ATRN: variants seen among roughly 807,000 people sequenced by gnomAD.
The protein encoded by ATRN is attractin-2.
Under a neutral mutation model 178.7 loss-of-function variants are expected in ATRN, and 54 were observed. The observed-to-expected ratio is 0.30, with a 90% CI of 0.24 to 0.38. ATRN has a LOEUF of 0.38. Among genes scored for constraint, ATRN ranks in the 10% least tolerant of loss-of-function variants. The pLI, the probability that ATRN is intolerant of heterozygous loss-of-function variation, is 1.00. For missense variants in ATRN, 1,443 were observed against 1,815.1 expected (o/e 0.79, Z 3.73); for synonymous variants, 636 against 663.0 (o/e 0.96, Z 0.63).
chr20:3,596,361 CT>C lies in ATRN; in HGVS notation c.3417-10del, dbSNP rs571715913. 497 of 1,609,906 alleles carry C rather than the reference CT, an allele frequency of 3.1e-4. 3 individuals are homozygous for C. The highest frequency in any genetic ancestry group is 6.6e-4 in the Middle Eastern group (4 of 6,050). On this transcript the variant is annotated splice_polypyrimidine_tract_variant and intron_variant, in intron 20 of 28. Coordinates refer to ENST00000262919, the MANE Select transcript of ATRN (RefSeq NM_139321.3). ...GTTTTAAATAGCAGTATAAAATAGT[CT>C]TTTTTCCCCCCCAGATGTGAGGTAG... is the stretch of plus-strand genomic sequence containing the variant.
intron 24 of ATRN, among the ~76,000 whole-genome samples, chr20:3,618,238 G>T (rs1269135963): frequency 1.3e-5 from 2 of 152,196 alleles, no homozygotes; most frequent in African/African-American, 4.8e-5. Flanking sequence ...CTGGAGGGAG[G>T]GGCGGGGCTG....
At position 3,584,728 on chromosome 20, in the gene ATRN, C is replaced by T. The variant is rs1472037935; in HGVS notation, c.3032C>T (p.Thr1011Ile). 2 of 1,613,832 alleles carry T rather than the reference C, an allele frequency of 1.2e-6. No homozygotes were observed. The highest frequency in any genetic ancestry group is 2.2e-5 in the East Asian group (1 of 44,874). Residue 1011 changes from threonine (T) to isoleucine (I), a missense_variant, in exon 18 of 29, where the codon ACT becomes ATT. Coordinates refer to ENST00000262919, the MANE Select transcript of ATRN (RefSeq NM_139321.3). ...GCGWCTDPSN[T>I]GKGKCIEGSY... is the part of the protein sequence containing the mutation. ...GGCTGGTGTACTGATCCCAGCAATA[C>T]TGGCAAAGGGAAATGCATAGAGGGT...
chr20:3,535,484 C>A, intron 2 of ATRN, 148 bp downstream of exon 2: 2 of 341,930 alleles, frequency 5.8e-6, no homozygotes, highest in Non-Finnish European at 1.1e-5. Flanking sequence ...TGAATTTTAT[C>A]TTAGCCTTCA....
At chr20:3,554,729 C>T (rs947279630) in intron 6 of ATRN, among the ~76,000 whole-genome samples, 1 of 152,100 alleles carries the variant, frequency 6.6e-6, no homozygotes. Flanking sequence ...TAACGCAAAA[C>T]TTTTTAGTTG....
intron 24 of ATRN, among the ~76,000 whole-genome samples, chr20:3,606,451 G>A (rs563292022): frequency 6.8e-6 from 1 of 146,132 alleles, no homozygotes; most frequent in Admixed American, 6.7e-5. Flanking sequence ...TTTCCTGCAT[G>A]TGGGACTTGT....
chr20:3,600,268 G>A (rs1305403172), intron 22 of ATRN, among the ~76,000 whole-genome samples: 1 of 152,082 alleles, frequency 6.6e-6, no homozygotes, highest in Non-Finnish European at 1.5e-5. Flanking sequence ...AATTAAGTTA[G>A]ATTAGCCCTG....
Position 3,492,583 on chromosome 20 carries a change from C to T in ATRN, c.410+21066C>T, listed in dbSNP as rs552615946. Among the ~76,000 whole-genome samples, 4 of 152,062 alleles carry T rather than the reference C, an allele frequency of 2.6e-5. No homozygotes were observed. The South Asian group carries it at 8.3e-4, about 32-fold the overall frequency. On this transcript the variant is annotated intron_variant, in intron 1 of 28. Coordinates refer to ENST00000262919, the MANE Select transcript of ATRN (RefSeq NM_139321.3). ...GTGGGAATGGAGATGAAGGAATACA[C>T]CTAAGGAAGTCTTTGATGGCAGTTA...
At chr20:3,646,520 A>T (rs145393334) in intron 28 of ATRN, among the ~76,000 whole-genome samples, 1 of 152,278 alleles carries the variant, frequency 6.6e-6, no homozygotes, top group Non-Finnish European at 1.5e-5. Context: ...GTTTACCCAG[A>T]TGGAGGGGAA....
At chr20:3,534,394 A>G (rs73893011) in intron 1 of ATRN, among the ~76,000 whole-genome samples, 1,813 of 152,226 alleles carry the variant, frequency 0.012, 30 homozygotes, top group African/African-American at 0.034. Flanking sequence ...AGAGGGGTGG[A>G]GGAAAAGATA....
At chr20:3,532,850 C>CCTCCTGGGTTCACGCTATT (rs2085472952) in intron 1 of ATRN, among the ~76,000 whole-genome samples, 1 of 152,048 alleles carries the variant, frequency 6.6e-6, no homozygotes, top group African/African-American at 2.4e-5. Flanking sequence ...GCAAGCTCTG[C>CCTCCTGGGTTCACGCTATT]CTCCTGGGTT....
At chr20:3,642,491 T>A (rs550783913) in intron 27 of ATRN, among the ~76,000 whole-genome samples, 1 of 152,366 alleles carries the variant, frequency 6.6e-6, no homozygotes, top group Non-Finnish European at 1.5e-5. Flanking sequence ...AGCCAGTCTA[T>A]CAGCAAATCT....
chr20:3,650,614 T>A lies in ATRN; in HGVS notation c.*3767T>A, dbSNP rs1007771170. 4 of 152,262 alleles carry A rather than the reference T, an allele frequency of 2.6e-5. No homozygotes were observed. Among genetic ancestry groups the A allele is most frequent in the African/African-American group, 9.7e-5 (4 of 41,430 alleles). 9.4% of individuals were successfully genotyped at this position (152,262 alleles called of 1,614,324 possible). On this transcript the variant is annotated 3_prime_UTR_variant, in exon 29 of 29. Transcript: ENST00000262919. Reference sequence around the variant, plus strand: ...AGGCCCACCAAGAGATATTGCCCCTTGATGAGAGTCAAACACCCTGCCTAC... The same window carrying A: ...AGGCCCACCAAGAGATATTGCCCCTAGATGAGAGTCAAACACCCTGCCTAC...
At chr20:3,612,050 T>C (rs1257879988) in intron 24 of ATRN, among the ~76,000 whole-genome samples, 1 of 152,254 alleles carries the variant, frequency 6.6e-6, no homozygotes, top group Non-Finnish European at 1.5e-5. Flanking sequence ...CCCGTGTTTA[T>C]AGCACTTGAA....
rs1486192839 is a variant in ATRN, at chr20:3,559,418, C to T, written c.1138C>T (p.Leu380Phe). 6.2e-7 allele frequency: 1 copy of T among 1,613,868 alleles called. No homozygotes were observed. The highest frequency in any genetic ancestry group is 8.5e-7 in the Non-Finnish European group (1 of 1,179,790). Residue 380 changes from leucine to phenylalanine, a missense_variant, in exon 7 of 29, where the codon CTT (leucine) becomes TTT (phenylalanine). Transcript: ENST00000262919. ...LAYDLASREW[L>F]PLNRSVNNVV... is the part of the protein sequence containing the mutation. ...GTATGACCTTGCTTCTAGGGAGTGG[C>T]TTCCACTAAACCGTTCTGTGAACAA...
chr20:3,526,414 C>G (rs2085365956), intron 1 of ATRN, among the ~76,000 whole-genome samples: 1 of 152,112 alleles, frequency 6.6e-6, no homozygotes, highest in African/African-American at 2.4e-5. Context: ...TCAAGAACTA[C>G]AAACCACTGC....
At chr20:3,595,216 T>A (rs1286838617) in intron 20 of ATRN, among the ~76,000 whole-genome samples, 1 of 152,220 alleles carries the variant, frequency 6.6e-6, no homozygotes. Flanking sequence ...GTTTTTGGTG[T>A]CCTGGTAGGT....
chr20:3,585,762 A>C (rs1212579225), intron 18 of ATRN, among the ~76,000 whole-genome samples: 1 of 152,236 alleles, frequency 6.6e-6, no homozygotes, highest in East Asian at 1.9e-4. Context: ...AGACAACCCA[A>C]TTAAGAAATG....
intron 6 of ATRN, among the ~76,000 whole-genome samples, chr20:3,556,022 CAG>C (rs1264831365): frequency 2.0e-5 from 3 of 152,040 alleles, no homozygotes; most frequent in African/African-American, 7.3e-5. Flanking sequence ...ATGATAATAA[CAG>C]AAGAATTGGG....
intron 6 of ATRN, among the ~76,000 whole-genome samples, 156 bp from the exon 7 acceptor site, chr20:3,559,237 C>T (rs2085919093): frequency 6.6e-6 from 1 of 152,070 alleles, no homozygotes. Flanking sequence ...GTCCAGTGGG[C>T]CCAGGTGTCA....
Sources: gnomAD v4.1 joint callset for allele counts (sites outside exome capture counted in the v4.1 genomes callset) on GRCh38, gnomAD v4.1.1 for gene constraint, MANE v1.5 for transcripts, NCBI Gene and HGNC (gene_info 2026-07-23, HGNC 2026-07-21) for gene names.